The following SAMD5 variants were observed in gnomAD, a reference collection of about 807,000 sequenced individuals.
SAMD5 encodes sterile alpha motif domain containing 5.
SAMD5 carries 13 observed loss-of-function variants against 11.3 expected under a neutral mutation model. The observed-to-expected ratio is 1.15, with a 90% CI of 0.75 to 1.83. SAMD5 has a LOEUF of 1.83. SAMD5 is among the 40% of genes most tolerant of loss of function. The pLI, the probability that SAMD5 is intolerant of heterozygous loss-of-function variation, is 0.00. For synonymous variants in SAMD5, 129 were observed against 111.3 expected, an observed-to-expected ratio of 1.16 and a Z score of -1.00; for missense variants, 255 against 239.1, an observed-to-expected ratio of 1.07 and a Z score of -0.44.
At chr6:147,934,909 A>G in the SAMD5 span, among the ~76,000 whole-genome samples, 1 of 152,092 alleles carries the variant, frequency 6.6e-6, no homozygotes, top group African/African-American at 2.4e-5. Flanking sequence ...ATTGCAAACA[A>G]CCATACAAGG....
chr6:147,809,505 TG>T, the SAMD5 span, among the ~76,000 whole-genome samples: 2 of 151,968 alleles, frequency 1.3e-5, no homozygotes, highest in East Asian at 3.9e-4. Flanking sequence ...GGGAAAATAA[TG>T]TTTCAAATGA....
intron 1 of SAMD5, among the ~76,000 whole-genome samples, chr6:147,686,909 T>C (rs1334753223): frequency 6.6e-6 from 1 of 152,144 alleles, no homozygotes; most frequent in Non-Finnish European, 1.5e-5. Context: ...ATACTCTAAG[T>C]TCTGGGATAC....
chr6:147,922,706 A>G, the SAMD5 span, among the ~76,000 whole-genome samples: 15 of 152,340 alleles, frequency 9.8e-5, no homozygotes, highest in Admixed American at 3.9e-4. Context: ...CTATTTTTTC[A>G]GTAATGCTTA....
the SAMD5 span, among the ~76,000 whole-genome samples, chr6:147,746,895 G>A: frequency 1.3e-5 from 2 of 152,184 alleles, no homozygotes; most frequent in Admixed American, 6.5e-5. Context: ...TTTATGATGG[G>A]GTTGAGACTA....
chr6:147,666,707 AATACAGGGAT>A, intron 1 of SAMD5, among the ~76,000 whole-genome samples: 1 of 152,316 alleles, frequency 6.6e-6, no homozygotes, highest in Admixed American at 6.5e-5. Context: ...AAATTTTGTA[AATACAGGGAT>A]ATACAGGGAA....
chr6:147,649,674 C>G (rs1790454795), intron 1 of SAMD5, among the ~76,000 whole-genome samples: 1 of 152,052 alleles, frequency 6.6e-6, no homozygotes, highest in Non-Finnish European at 1.5e-5. Flanking sequence ...GCCTGTAGTC[C>G]TACCTACTCT....
At chr6:147,580,853 G>A (rs1271452122) in intron 1 of SAMD5, among the ~76,000 whole-genome samples, 1 of 151,586 alleles carries the variant, frequency 6.6e-6, no homozygotes, top group Non-Finnish European at 1.5e-5. Flanking sequence ...TCTAGGAGCA[G>A]GAAAGTAGTA....
chr6:147,720,392 G>A (rs1791530938), intron 1 of SAMD5, among the ~76,000 whole-genome samples: 1 of 152,052 alleles, frequency 6.6e-6, no homozygotes, highest in Non-Finnish European at 1.5e-5. Context: ...GAACCCAGGA[G>A]GCGGAGCTTG....
intron 1 of SAMD5, among the ~76,000 whole-genome samples, chr6:147,668,393 T>C (rs971155493): frequency 7.2e-5 from 11 of 152,230 alleles, no homozygotes; most frequent in Non-Finnish European, 1.3e-4. Flanking sequence ...CCCATAATGA[T>C]TGACAAGTAA....
At chr6:147,513,277 T>A (rs1022624307) in intron 1 of SAMD5, among the ~76,000 whole-genome samples, 4 of 152,144 alleles carry the variant, frequency 2.6e-5, no homozygotes, top group Non-Finnish European at 5.9e-5. Flanking sequence ...CTTAGGAGAC[T>A]GTTGCAGTGT....
At chr6:147,589,109 C>A (rs921559520) in intron 1 of SAMD5, among the ~76,000 whole-genome samples, 2 of 152,010 alleles carry the variant, frequency 1.3e-5, no homozygotes, top group Non-Finnish European at 2.9e-5. Context: ...CTCATACCAC[C>A]ATACCCAGCC....
Position 147,569,286 on chromosome 6 carries a change from G to C in SAMD5, c.*4830G>C, listed in dbSNP as rs1395937984. ...ACATAACTTTTCTACTTATGAAATA[G>C]ATAATTTTTTAAAATTGTTTAAACT... On this transcript the variant is annotated 3_prime_UTR_variant, in exon 2 of 2. Coordinates refer to ENST00000367474, the MANE Select transcript of SAMD5 (RefSeq NM_001030060.3). 5.1e-6 allele frequency: 2 copies of C among 388,584 alleles called. No homozygotes were observed. The highest frequency in any genetic ancestry group is 2.2e-5 in the African/African-American group (1 of 45,658). The allele number at this position is 388,584 out of a possible 1,614,324, so 24.1% of individuals were successfully genotyped here.
intron 1 of SAMD5, among the ~76,000 whole-genome samples, chr6:147,623,538 G>A (rs1040892405): frequency 6.6e-6 from 1 of 152,184 alleles, no homozygotes; most frequent in African/African-American, 2.4e-5. Flanking sequence ...TGAGTAATCT[G>A]ATATTATCTT....
chr6:147,640,148 A>G (rs1218939427), intron 1 of SAMD5, among the ~76,000 whole-genome samples: 1 of 151,974 alleles, frequency 6.6e-6, no homozygotes, highest in African/African-American at 2.4e-5. Flanking sequence ...CAACATGGTG[A>G]AACCCTGTCT....
At chr6:147,877,911 C>G in the SAMD5 span, among the ~76,000 whole-genome samples, 24 of 103,938 alleles carry the variant, frequency 2.3e-4, no homozygotes, top group African/African-American at 8.3e-4. Flanking sequence ...AGATAGATAG[C>G]TAGCTAGCTA....
At chr6:147,950,092 G>A in the SAMD5 span, among the ~76,000 whole-genome samples, 1 of 152,274 alleles carries the variant, frequency 6.6e-6, no homozygotes, top group Admixed American at 6.5e-5. Context: ...GCCTGGAATA[G>A]AAAACAAGCA....
At chr6:147,645,888 G>A (rs552212481) in intron 1 of SAMD5, among the ~76,000 whole-genome samples, 2 of 152,250 alleles carry the variant, frequency 1.3e-5, no homozygotes, top group South Asian at 4.2e-4. Context: ...ACATCCACGG[G>A]CCGGAACTGG....
the SAMD5 span, among the ~76,000 whole-genome samples, chr6:147,904,724 G>A: frequency 1.3e-5 from 2 of 152,128 alleles, no homozygotes; most frequent in African/African-American, 2.4e-5. Flanking sequence ...TGCTTTTCCC[G>A]CTTGCGGTTG....
chr6:147,881,592 G>C, the SAMD5 span, among the ~76,000 whole-genome samples: 339 of 152,280 alleles, frequency 2.2e-3, 1 homozygote, highest in African/African-American at 7.7e-3. Flanking sequence ...ACTCCTGCTT[G>C]TCAGAGACCG....
Sources: gnomAD v4.1 joint callset for allele counts (sites outside exome capture counted in the v4.1 genomes callset) on GRCh38, gnomAD v4.1.1 for gene constraint, MANE v1.5 for transcripts, NCBI Gene and HGNC (gene_info 2026-07-23, HGNC 2026-07-21) for gene names.